PREX1: variants seen among roughly 807,000 people sequenced by gnomAD.
PREX1 encodes phosphatidylinositol-3,4,5-trisphosphate dependent Rac exchange factor 1, also known as phosphatidylinositol 3,4,5-trisphosphate-dependent Rac exchanger 1 protein.
Under a neutral mutation model 198.3 loss-of-function variants are expected in PREX1, and 41 were observed. The ratio of observed to expected loss-of-function variants is 0.21; its 90% CI spans 0.16 to 0.27. PREX1 has a LOEUF of 0.27. Among genes scored for constraint, PREX1 ranks in the 10% least tolerant of loss-of-function variants. The pLI is 1.00. For missense variants in PREX1, 1,620 were observed against 2,200.7 expected, an observed-to-expected ratio of 0.74 and a Z score of 5.28; for synonymous variants, 843 against 887.2, an observed-to-expected ratio of 0.95 and a Z score of 0.89.
chr20:48,800,314 C>G (rs555879903), intron 1 of PREX1, among the ~76,000 whole-genome samples: 17 of 152,330 alleles, frequency 1.1e-4, no homozygotes, highest in African/African-American at 3.8e-4. Flanking sequence ...GGGCGACCAA[C>G]AGCCCCAGTT....
chr20:48,829,665 T>G (rs892713706), upstream of PREX1, among the ~76,000 whole-genome samples: 12 of 152,030 alleles, frequency 7.9e-5, no homozygotes, highest in African/African-American at 2.9e-4. Context: ...GCCTCTGGAG[T>G]ATCTCTGCTT....
chr20:48,749,621 G>A (rs779012845), intron 1 of PREX1, among the ~76,000 whole-genome samples: 126 of 152,098 alleles, frequency 8.3e-4, no homozygotes, highest in Non-Finnish European at 2.6e-4. Context: ...CCGGGAGCCC[G>A]GCCACCTGCC....
intron 33 of PREX1, among the ~76,000 whole-genome samples, chr20:48,633,546 C>CCT (rs1325928621): frequency 1.3e-5 from 2 of 152,206 alleles, no homozygotes; most frequent in African/African-American, 2.4e-5. Flanking sequence ...CTCAGAAGCC[C>CCT]CTGGAGGGCT....
At chr20:48,642,835 A>C (rs759734857) in intron 27 of PREX1, 31 of 211,306 alleles carry the variant, frequency 1.5e-4, no homozygotes, top group Non-Finnish European at 2.7e-4. Flanking sequence ...CAGCTGTCAC[A>C]CCCAACTCCT....
At chr20:48,832,135 G>A, upstream of PREX1, among the ~76,000 whole-genome samples, 1 of 136,734 alleles carries the variant, frequency 7.3e-6, no homozygotes, top group South Asian at 2.3e-4. Context: ...TTGCAGTTCA[G>A]GGGGAAGAAA....
Position 48,652,647 on chromosome 20 carries a change from C to G in PREX1, c.2406G>C (p.Gln802His). Residue 802 changes from glutamine to histidine, a missense_variant, in exon 21 of 40, where the codon CAG becomes CAC. Around this residue, in one of 7 missense-constraint regions of PREX1, gnomAD observed 514 missense variants for 611.6 expected, o/e 0.84. Coordinates refer to ENST00000371941, the MANE Select transcript of PREX1 (RefSeq NM_020820.4). The part of the protein sequence containing the change: ...HEDAQEARAS[Q>H]EASTEDPSGE... ...CACTGGGGTCCTCAGTGGAGGCCTC[C>G]TGACTGGCTCGTGCTTCCTGGGCAT... 6.2e-7 allele frequency: 1 copy of G among 1,613,794 alleles called. No homozygotes were observed. The highest frequency in any genetic ancestry group is 8.5e-7 in the Non-Finnish European group (1 of 1,179,822).
chr20:48,661,036 T>C (rs2089586660), intron 15 of PREX1, among the ~76,000 whole-genome samples: 1 of 152,170 alleles, frequency 6.6e-6, no homozygotes, highest in African/African-American at 2.4e-5. Flanking sequence ...GTGGCTGCTT[T>C]TGAGCCACAA....
intron 7 of PREX1, among the ~76,000 whole-genome samples, chr20:48,694,590 G>A (rs754402424): frequency 2.0e-5 from 3 of 152,234 alleles, no homozygotes; most frequent in Admixed American, 6.5e-5. Flanking sequence ...GCCACTTGGT[G>A]GTGTGCACAG....
intron 1 of PREX1, among the ~76,000 whole-genome samples, chr20:48,806,091 C>T (rs564408887): frequency 6.6e-6 from 1 of 152,278 alleles, no homozygotes; most frequent in African/African-American, 2.4e-5. Flanking sequence ...ACTCTACCTG[C>T]TTCATGACAG....
intron 1 of PREX1, among the ~76,000 whole-genome samples, chr20:48,806,963 C>T (rs183415743): frequency 3.5e-4 from 53 of 152,210 alleles, no homozygotes; most frequent in Admixed American, 9.8e-4. Context: ...CAAAGGAATC[C>T]GATATCCATT....
intron 1 of PREX1, among the ~76,000 whole-genome samples, chr20:48,765,685 TC>T (rs1028580347): frequency 6.6e-6 from 1 of 152,204 alleles, no homozygotes; most frequent in African/African-American, 2.4e-5. Flanking sequence ...CAAGTCTCTT[TC>T]CCATGGGGCT....
At chr20:48,640,509 C>A (rs919233172) in intron 29 of PREX1, among the ~76,000 whole-genome samples, 2 of 152,180 alleles carry the variant, frequency 1.3e-5, no homozygotes, top group Non-Finnish European at 1.5e-5. Context: ...GAGGTCCATC[C>A]CTGAAAGCTG....
chr20:48,697,722 A>G (rs796943063), intron 7 of PREX1, among the ~76,000 whole-genome samples: 6 of 152,220 alleles, frequency 3.9e-5, no homozygotes, highest in African/African-American at 1.4e-4. Context: ...TGCTGCCTCT[A>G]AGATGCTAAG....
intron 1 of PREX1, among the ~76,000 whole-genome samples, chr20:48,752,465 A>G (rs1355177234): frequency 6.6e-6 from 1 of 152,230 alleles, no homozygotes; most frequent in African/African-American, 2.4e-5. Flanking sequence ...TCGAGCTGCC[A>G]GCACCTGCAT....
chr20:48,723,700 G>A (rs774756334), intron 5 of PREX1, among the ~76,000 whole-genome samples: 15 of 152,184 alleles, frequency 9.9e-5, no homozygotes, highest in Admixed American at 6.5e-5. Flanking sequence ...TTTCCTCCAC[G>A]GGTCGCCGGG....
intron 10 of PREX1, among the ~76,000 whole-genome samples, chr20:48,681,678 A>AGATGGATGGATGGATGGATGGATG (rs376886223): frequency 7.7e-4 from 116 of 150,200 alleles, no homozygotes; most frequent in African/African-American, 1.6e-3. Flanking sequence ...GTGACTACAT[A>AGATGGATGGATGGATGGATGGATG]GATGGATGGA....
intron 1 of PREX1, among the ~76,000 whole-genome samples, chr20:48,794,356 CAG>C (rs575319461): frequency 1.1e-3 from 160 of 152,268 alleles, no homozygotes; most frequent in Non-Finnish European, 8.4e-4. Flanking sequence ...AAGGGGCGGA[CAG>C]AGAGTCCTGA....
At chr20:48,744,921 C>A (rs980392962) in intron 3 of PREX1, 104 bp downstream of exon 3, 40 of 1,434,684 alleles carry the variant, frequency 2.8e-5, no homozygotes, top group Non-Finnish European at 3.7e-5. Context: ...ATCTCCCAGA[C>A]AGGCCTACAG....
At position 48,818,497 on chromosome 20, in the gene PREX1, A is replaced by C. The variant is rs959288831; in HGVS notation, c.219+9145T>G. The stretch of plus-strand genomic sequence containing the variant: ...ATTAGGGTCTCACTGGATCCCTCTG[A>C]CTGCGTAAGGAGAACAGAATGCGGG... On this transcript the variant is annotated intron_variant, in intron 1 of 39. Coordinates refer to ENST00000371941, the MANE Select transcript of PREX1 (RefSeq NM_020820.4). Among the ~76,000 whole-genome samples, 3 of 152,220 alleles carry C rather than the reference A, an allele frequency of 2.0e-5. No homozygotes were observed. The East Asian group carries it at 5.8e-4, about 29-fold the overall frequency.
Sources: gnomAD v4.1 joint callset for allele counts (sites outside exome capture counted in the v4.1 genomes callset) on GRCh38, gnomAD v4.1.1 for gene constraint, gnomAD v4.1.1 regional missense constraint, MANE v1.5 for transcripts, NCBI Gene and HGNC (gene_info 2026-07-23, HGNC 2026-07-21) for gene names.